MYO3B: variants seen among roughly 807,000 people sequenced by gnomAD.
The protein encoded by MYO3B is myosin-IIIb.
A neutral mutation model predicts 174.6 loss-of-function variants in MYO3B; 156 were observed. That is an observed-to-expected ratio of 0.89 (90% CI 0.78 to 1.02). The LOEUF (loss-of-function observed/expected upper bound fraction) is 1.02. MYO3B is among the 50% of genes least tolerant of loss of function. The probability of loss-of-function intolerance (pLI) is 0.00; values close to 1 mark genes in which losing one functional copy is unlikely to be tolerated. For synonymous variants in MYO3B, 563 were observed against 569.1 expected (o/e 0.99, Z 0.15); for missense variants, 1,632 against 1,639.4 (o/e 1.00, Z 0.08).
intron 32 of MYO3B, among the ~76,000 whole-genome samples, chr2:170,574,210 T>A (rs1206891109): frequency 1.3e-5 from 2 of 152,186 alleles, no homozygotes; most frequent in African/African-American, 4.8e-5. Context: ...AATGTGACCA[T>A]CTTGATGATA....
At chr2:170,324,048 T>TG (rs2093847728) in intron 7 of MYO3B, among the ~76,000 whole-genome samples, 1 of 152,180 alleles carries the variant, frequency 6.6e-6, no homozygotes, top group African/African-American at 2.4e-5. Context: ...TCGAATCACG[T>TG]GGACTTTCAC....
chr2:170,649,345 AAAT>A lies in MYO3B; in HGVS notation c.3734-2278_3734-2276del, dbSNP rs1287333025. On this transcript the variant is annotated intron_variant, in intron 32 of 34. Transcript: ENST00000408978. ...AATAATATAATATATATTATATATA[AAAT>A]AATATATAATATATTATATAAAAAT... 7.7e-5 allele frequency among the ~76,000 whole-genome samples: 4 copies of A among 52,056 alleles called. 1 individual carries two copies. The Admixed American group carries it at 9.3e-4, about 12-fold the overall frequency. 34.2% of individuals were successfully genotyped at this position (52,056 alleles called of 152,430 possible).
At chr2:170,389,545 G>T (rs997019347) in intron 14 of MYO3B, among the ~76,000 whole-genome samples, 2 of 152,222 alleles carry the variant, frequency 1.3e-5, no homozygotes, top group Admixed American at 1.3e-4. Context: ...GGATGAAAAT[G>T]AAACTGAAGT....
Position 170,392,484 on chromosome 2 carries a change from T to G in MYO3B, c.1780T>G (p.Phe594Val). ...TCAGCATTGCTTCAGGATTATAGGG[T>G]TCACGGACAAAGTAAGTGATGATCA... ...AIQHCFRIIGFTDKEVHSVYR... is the reference protein window; with the variant it reads ...AIQHCFRIIGVTDKEVHSVYR... Residue 594 changes from phenylalanine to valine, a missense_variant, in exon 16 of 35, where the codon TTC becomes GTC. Transcript: ENST00000408978. The G allele has an allele frequency of 1.3e-6, 2 of 1,556,386 alleles. No individual in the cohort carries two copies. The highest frequency in any genetic ancestry group is 2.3e-5 in the East Asian group (1 of 43,088).
At chr2:170,612,646 T>A (rs1695193282) in intron 32 of MYO3B, among the ~76,000 whole-genome samples, 1 of 152,182 alleles carries the variant, frequency 6.6e-6, no homozygotes, top group African/African-American at 2.4e-5. Context: ...GACCCACACG[T>A]AACAGTGGAG....
intron 1 of MYO3B, among the ~76,000 whole-genome samples, chr2:170,195,729 A>G (rs1180735558): frequency 6.6e-6 from 1 of 152,070 alleles, no homozygotes; most frequent in Non-Finnish European, 1.5e-5. Flanking sequence ...TGGAGCCCCC[A>G]AGGCGCTCAC....
At chr2:170,394,117 A>T (rs996590910) in intron 16 of MYO3B, among the ~76,000 whole-genome samples, 5 of 152,166 alleles carry the variant, frequency 3.3e-5, no homozygotes, top group Non-Finnish European at 5.9e-5. Context: ...GTTTTCTTTG[A>T]GTACAAATAT....
intron 22 of MYO3B, among the ~76,000 whole-genome samples, chr2:170,419,246 G>C (rs2094600129): frequency 1.3e-5 from 2 of 152,180 alleles, no homozygotes; most frequent in African/African-American, 4.8e-5. Context: ...AAATAAAGAG[G>C]TCTAGGAAAC....
chr2:170,368,560 A>C (rs2094215212), intron 8 of MYO3B, among the ~76,000 whole-genome samples: 1 of 152,230 alleles, frequency 6.6e-6, no homozygotes, highest in Non-Finnish European at 1.5e-5. Flanking sequence ...AATTAACCAC[A>C]GAAGAGTTTA....
intron 6 of MYO3B, among the ~76,000 whole-genome samples, chr2:170,218,838 TA>T (rs1476206380): frequency 6.6e-6 from 1 of 152,156 alleles, no homozygotes; most frequent in Non-Finnish European, 1.5e-5. Flanking sequence ...ACCAAAAACA[TA>T]AAAAGTTATC....
chr2:170,638,962 C>G (rs976605837), intron 32 of MYO3B, among the ~76,000 whole-genome samples: 2 of 152,114 alleles, frequency 1.3e-5, no homozygotes, highest in Non-Finnish European at 1.5e-5. Context: ...AGCTGACCAG[C>G]CCCTTGCACA....
At chr2:170,470,343 G>A (rs1247325788) in intron 25 of MYO3B, among the ~76,000 whole-genome samples, 1 of 152,050 alleles carries the variant, frequency 6.6e-6, no homozygotes, top group African/African-American at 2.4e-5. Flanking sequence ...CGTGTAAATG[G>A]AATCATACAA....
intron 32 of MYO3B, among the ~76,000 whole-genome samples, chr2:170,563,119 TA>T (rs1691843109): frequency 9.1e-6 from 1 of 110,348 alleles, no homozygotes; most frequent in East Asian, 2.8e-4. Context: ...CTCTCACACA[TA>T]CACACACACA....
intron 32 of MYO3B, among the ~76,000 whole-genome samples, chr2:170,579,851 TGATGACC>T (rs1693017285): frequency 2.0e-5 from 3 of 152,244 alleles, no homozygotes; most frequent in Admixed American, 6.5e-5. Context: ...CTGTGTGAAC[TGATGACC>T]GTACATTATC....
chr2:170,515,293 A>G (rs1401843987), intron 29 of MYO3B, among the ~76,000 whole-genome samples: 2 of 152,222 alleles, frequency 1.3e-5, no homozygotes, highest in Non-Finnish European at 2.9e-5. Context: ...ACACTGGTCT[A>G]GTTGCAGCTC....
chr2:170,508,213 T>C (rs1687741922), intron 28 of MYO3B, among the ~76,000 whole-genome samples: 1 of 152,178 alleles, frequency 6.6e-6, no homozygotes, highest in African/African-American at 2.4e-5. Context: ...ATGAACCTTG[T>C]TTAGCATTCC....
chr2:170,352,195 C>T (rs1179004104), intron 8 of MYO3B, among the ~76,000 whole-genome samples: 3 of 152,248 alleles, frequency 2.0e-5, no homozygotes, highest in Non-Finnish European at 4.4e-5. Flanking sequence ...TCAGGTGACC[C>T]GCCCTCCTTG....
chr2:170,586,244 G>A (rs750025840), intron 32 of MYO3B, among the ~76,000 whole-genome samples: 3 of 152,102 alleles, frequency 2.0e-5, no homozygotes, highest in Non-Finnish European at 4.4e-5. Context: ...GACTTTGTGG[G>A]ATGTAGCCAT....
At position 170,560,189 on chromosome 2, in the gene MYO3B, C is replaced by CT. The variant is rs1382166144; in HGVS notation, c.3733+16202dup. On this transcript the variant is annotated intron_variant, in intron 32 of 34. Transcript: ENST00000408978. The stretch of plus-strand genomic sequence containing the variant: ...AGTCTTCTGGAGTGCGCTACAATTT[C>CT]TAAAAAACTACACTTGTTTTCCCTC... 2.6e-5 allele frequency among the ~76,000 whole-genome samples: 4 copies of CT among 152,180 alleles called. No individual in the cohort carries two copies. The East Asian group carries it at 7.7e-4, about 29-fold the overall frequency.
Sources: gnomAD v4.1 joint callset for allele counts (sites outside exome capture counted in the v4.1 genomes callset) on GRCh38, gnomAD v4.1.1 for gene constraint, MANE v1.5 for transcripts, NCBI Gene and HGNC (gene_info 2026-07-23, HGNC 2026-07-21) for gene names.